TXNRD1: variants seen among roughly 807,000 people sequenced by gnomAD.
The protein encoded by TXNRD1 is thioredoxin reductase 1, cytoplasmic.
Under a neutral mutation model 80.3 loss-of-function variants are expected in TXNRD1, and 57 were observed. That is an observed-to-expected ratio of 0.71 (90% CI 0.57 to 0.89). The LOEUF (loss-of-function observed/expected upper bound fraction) is 0.89, where lower values mean the gene tolerates loss of function less well. Ranked by LOEUF, TXNRD1 falls within the 40% of genes least tolerant of loss-of-function variation. The pLI, the probability that TXNRD1 is intolerant of heterozygous loss-of-function variation, is 0.00. For synonymous variants in TXNRD1, 291 were observed against 285.2 expected (o/e 1.02, Z -0.20); for missense variants, 730 against 803.0 (o/e 0.91, Z 1.10).
At chr12:104,318,077 G>A (rs1228616221) in intron 7 of TXNRD1, among the ~76,000 whole-genome samples, 2 of 152,216 alleles carry the variant, frequency 1.3e-5, no homozygotes, top group African/African-American at 4.8e-5. Flanking sequence ...GGGTTGAGGG[G>A]TACGGAGGTT....
intron 4 of TXNRD1, chr12:104,290,997 G>T (rs1456057790): frequency 1.5e-6 from 1 of 662,930 alleles, no homozygotes; most frequent in East Asian, 2.8e-5. Flanking sequence ...CTTTAGAGAT[G>T]GAGGTCTCAT....
intron 4 of TXNRD1, among the ~76,000 whole-genome samples, chr12:104,298,541 T>C (rs1593779185): frequency 6.6e-6 from 1 of 152,000 alleles, no homozygotes; most frequent in African/African-American, 2.4e-5. Context: ...CTGGCCAACA[T>C]GGAGAAACCC....
chr12:104,257,403 C>CTTTTTTTTTTT (rs57917719), intron 2 of TXNRD1, among the ~76,000 whole-genome samples: 1 of 76,986 alleles, frequency 1.3e-5, no homozygotes, highest in African/African-American at 4.9e-5. Context: ...TGTTCCAATG[C>CTTTTTTTTTTT]TTTTTTTTTT....
At chr12:104,265,294 C>T in intron 3 of TXNRD1, 1 of 1,584,948 alleles carries the variant, frequency 6.3e-7, no homozygotes, top group Non-Finnish European at 8.6e-7. Flanking sequence ...TGGCGGCGAA[C>T]GCGGAGAGCA....
chr12:104,258,360 C>T (rs2033298986), intron 3 of TXNRD1: 1 of 277,608 alleles, frequency 3.6e-6, no homozygotes, highest in South Asian at 1.0e-4. Flanking sequence ...ACAGTATTTG[C>T]TGGTTTTATG....
intron 12 of TXNRD1, 93 bp from the exon 13 acceptor site, chr12:104,327,422 A>G (rs763662562): frequency 7.5e-7 from 1 of 1,327,882 alleles, no homozygotes; most frequent in Non-Finnish European, 1.0e-6. Context: ...AGCTAGAGTC[A>G]CAATTTTGGG....
chr12:104,267,683 TTCTTTCTTTCTTTCTTTCTCTCTTTC>T (rs1302695498), intron 3 of TXNRD1, among the ~76,000 whole-genome samples: 2 of 40,796 alleles, frequency 4.9e-5, no homozygotes, highest in Non-Finnish European at 1.3e-4. Flanking sequence ...CTTTCTTTCT[TTCTTTCTTTCTTTCTTTCTCTCTTTC>T]TTTCTTTCTT....
At chr12:104,289,105 C>T in intron 4 of TXNRD1, 65 bp downstream of exon 4, 1 of 1,551,908 alleles carries the variant, frequency 6.4e-7, no homozygotes, top group Non-Finnish European at 8.8e-7. Context: ...GTGGTCACAG[C>T]CTGCCTTTTA....
At position 104,348,395 on chromosome 12, in the gene TXNRD1, A is replaced by G. The variant is rs1429251360; in HGVS notation, c.1924A>G (p.Ile642Val). 1.2e-6 allele frequency: 2 copies of G among 1,613,932 alleles called. No homozygotes were observed. Among genetic ancestry groups the G allele is most frequent in the Non-Finnish European group, 1.7e-6 (2 of 1,179,896 alleles). Residue 642 changes from isoleucine to valine, a missense_variant, in exon 17 of 17, where the codon ATC becomes GTC. Ile to Val is a conservative substitution (Grantham distance 29). Transcript: ENST00000525566. ...LSVTKRSGAS[I>V]LQAGCUG is the part of the protein sequence containing the mutation. ...TGTGACCAAGCGCTCTGGGGCAAGC[A>G]TCCTCCAGGCTGGCTGCTGAGGTTA...
intron 3 of TXNRD1, among the ~76,000 whole-genome samples, chr12:104,261,822 C>T (rs2033373750): frequency 6.6e-6 from 1 of 152,078 alleles, no homozygotes; most frequent in Non-Finnish European, 1.5e-5. Context: ...AATCTCAGCT[C>T]ACTGCAACCT....
chr12:104,229,407 T>C (rs1017917461), intron 1 of TXNRD1, among the ~76,000 whole-genome samples: 2 of 151,526 alleles, frequency 1.3e-5, no homozygotes, highest in Non-Finnish European at 2.9e-5. Context: ...CTTGGCCTAT[T>C]CTGGGCATTT....
At chr12:104,313,087 A>T (rs1405812465) in intron 5 of TXNRD1, among the ~76,000 whole-genome samples, 158 bp from the exon 6 acceptor site, 1 of 152,176 alleles carries the variant, frequency 6.6e-6, no homozygotes, top group Non-Finnish European at 1.5e-5. Context: ...TTTATCCTGG[A>T]GTTTAACTAA....
chr12:104,349,488 C>G lies in TXNRD1; in HGVS notation c.*1067C>G, dbSNP rs2036584648. The G allele has an allele frequency of 2.0e-5, 3 of 152,588 alleles. No homozygotes were observed. The South Asian group carries it at 6.2e-4, about 32-fold the overall frequency. The allele number at this position is 152,588 out of a possible 1,614,324, so 9.5% of individuals were successfully genotyped here. A position where few individuals can be genotyped will look rare whatever the true frequency, so the allele number is the denominator to read the frequency against. ...CATAAGTTATTATTAATATTTTGAA[C>G]ACAGGTGGATGTGAAGGATTTTCAT... is the stretch of plus-strand genomic sequence containing the variant. On this transcript the variant is annotated 3_prime_UTR_variant, in exon 17 of 17. Coordinates refer to ENST00000525566, the MANE Select transcript of TXNRD1 (RefSeq NM_001093771.3).
chr12:104,288,982 A>G lies in TXNRD1; in HGVS notation c.356A>G (p.Asp119Gly), dbSNP rs1212274281. ...CTCTCGGAATTGGCCGCGGAAACCG[A>G]TCTGCCCGTTGTGTTTGTGAAACAG... ...GTLSELAAET[D>G]LPVVFVKQRK... Residue 119 changes from aspartate (D) to glycine (G), a missense_variant, in exon 4 of 17, where the codon GAT becomes GGT. Transcript: ENST00000525566. The G allele has an allele frequency of 6.2e-7, 1 of 1,613,984 alleles. No individual in the cohort carries two copies. The highest frequency in any genetic ancestry group is 8.5e-7 in the Non-Finnish European group (1 of 1,179,880).
chr12:104,317,956 A>G (rs906218831), intron 7 of TXNRD1, among the ~76,000 whole-genome samples: 6 of 152,232 alleles, frequency 3.9e-5, no homozygotes, highest in African/African-American at 1.4e-4. Context: ...CCTGGCCAAC[A>G]TGGCAAAACT....
At chr12:104,224,938 G>A (rs2032440064) in intron 1 of TXNRD1, 1 of 456,344 alleles carries the variant, frequency 2.2e-6, no homozygotes, top group Admixed American at 2.4e-5. Flanking sequence ...AGAGAATGCA[G>A]ATTTTTTACA....
At chr12:104,265,615 G>A (rs1290491326) in intron 3 of TXNRD1, 2 of 1,607,362 alleles carry the variant, frequency 1.2e-6, no homozygotes, top group Non-Finnish European at 1.7e-6. Flanking sequence ...CCTGACCACC[G>A]CAGGCGCTGT....
At chr12:104,244,418 A>G (rs1052006700) in intron 1 of TXNRD1, among the ~76,000 whole-genome samples, 2 of 152,238 alleles carry the variant, frequency 1.3e-5, no homozygotes, top group Non-Finnish European at 2.9e-5. Flanking sequence ...AGAGACAGGA[A>G]CAAATGCAAT....
chr12:104,306,616 G>A (rs1056342464), intron 4 of TXNRD1, among the ~76,000 whole-genome samples: 1 of 152,126 alleles, frequency 6.6e-6, no homozygotes, highest in Non-Finnish European at 1.5e-5. Flanking sequence ...ATGGAGATGA[G>A]GTTCTTCACC....
Sources: allele counts gnomAD v4.1 joint callset (sites outside exome capture counted in the v4.1 genomes callset), GRCh38; gene constraint gnomAD v4.1.1; transcripts MANE v1.5; gene names NCBI Gene and HGNC (gene_info 2026-07-23, HGNC 2026-07-21).